The following ACAD10 variants were observed in gnomAD, a reference collection of about 807,000 sequenced individuals.
ACAD10 encodes ACAD-10.
Under a neutral mutation model 116.8 loss-of-function variants are expected in ACAD10, and 112 were observed. That is an observed-to-expected ratio of 0.96 (90% CI 0.82 to 1.12). The LOEUF (loss-of-function observed/expected upper bound fraction) is 1.12. Ranked by LOEUF, ACAD10 falls within the 50% of genes most tolerant of loss-of-function variation. ACAD10 has a pLI of 0.00. For missense variants in ACAD10, 1,259 were observed against 1,350.2 expected (o/e 0.93, Z 1.06); for synonymous variants, 486 against 510.6 (o/e 0.95, Z 0.65).
At position 111,702,264 on chromosome 12, in the gene ACAD10, C is replaced by T. The variant is rs138927383; in HGVS notation, c.290C>T (p.Thr97Ile). ...ATGAGATTTATGAGAGCAGAAATAA[C>T]AGCAGAGGGTTTTTTACGAGAATTT... is the stretch of plus-strand genomic sequence containing the variant. ...PWMRFMRAEI[T>I]AEGFLREFGR... is the part of the protein sequence containing the mutation. The change falls in exon 3 of 21, where the codon ACA becomes ATA. Residue 97 changes from threonine to isoleucine, a missense_variant. By Grantham distance (89) the Thr-to-Ile change is moderately conservative. Coordinates refer to ENST00000313698, the MANE Select transcript of ACAD10 (RefSeq NM_025247.6). The T allele has an allele frequency of 7.6e-5, 122 of 1,613,952 alleles. No individual in the cohort carries two copies. The highest frequency in any genetic ancestry group is 9.9e-5 in the Non-Finnish European group (117 of 1,180,008).
intron 12 of ACAD10, among the ~76,000 whole-genome samples, chr12:111,739,224 T>C (rs1188668439): frequency 1.3e-5 from 2 of 152,174 alleles, no homozygotes; most frequent in Non-Finnish European, 2.9e-5. Context: ...AGACATTATA[T>C]ACCTCCTGAT....
intron 4 of ACAD10, among the ~76,000 whole-genome samples, chr12:111,708,099 ATTT>A (rs747232112): frequency 6.6e-6 from 1 of 152,170 alleles, no homozygotes; most frequent in Non-Finnish European, 1.5e-5. Context: ...AAATAAAATC[ATTT>A]TTATCTGATC....
At chr12:111,731,485 C>T (rs1593042440) in intron 10 of ACAD10, among the ~76,000 whole-genome samples, 1 of 152,216 alleles carries the variant, frequency 6.6e-6, no homozygotes. Flanking sequence ...ACAACAGCTG[C>T]TCCGTGGACC....
intron 2 of ACAD10, among the ~76,000 whole-genome samples, chr12:111,694,766 C>G (rs1181523886): frequency 6.6e-6 from 1 of 152,202 alleles, no homozygotes; most frequent in African/African-American, 2.4e-5. Context: ...CAGCTCACAC[C>G]TGTAATCTCA....
intron 1 of ACAD10, among the ~76,000 whole-genome samples, chr12:111,692,100 C>G (rs1375766019): frequency 6.6e-6 from 1 of 152,146 alleles, no homozygotes; most frequent in African/African-American, 2.4e-5. Context: ...TCCTGAGTAG[C>G]TGGGATTACA....
chr12:111,746,375 C>T, intron 14 of ACAD10, 91 bp downstream of exon 14: 1 of 1,378,580 alleles, frequency 7.3e-7, no homozygotes, highest in Non-Finnish European at 9.6e-7. Flanking sequence ...TTCAGAAGCA[C>T]TGGCATGAAC....
At chr12:111,704,878 G>T (rs1354528926) in intron 3 of ACAD10, among the ~76,000 whole-genome samples, 1 of 151,476 alleles carries the variant, frequency 6.6e-6, no homozygotes, top group Non-Finnish European at 1.5e-5. Context: ...TAGTAGATAA[G>T]GGGTTTCACC....
intron 8 of ACAD10, among the ~76,000 whole-genome samples, chr12:111,723,549 G>T: frequency 7.1e-6 from 1 of 140,660 alleles, no homozygotes; most frequent in Admixed American, 6.9e-5. Flanking sequence ...CGGCCAGGCA[G>T]AGGCGCCCCT....
chr12:111,711,203 T>TGTC (rs536005101), intron 5 of ACAD10, among the ~76,000 whole-genome samples: 29 of 152,224 alleles, frequency 1.9e-4, no homozygotes, highest in Middle Eastern at 3.4e-3. Flanking sequence ...CTAAATTTTT[T>TGTC]GTTGTTGTTG....
intron 11 of ACAD10, among the ~76,000 whole-genome samples, chr12:111,735,217 C>A (rs1320552401): frequency 2.0e-5 from 3 of 149,238 alleles, no homozygotes; most frequent in African/African-American, 7.4e-5. Context: ...GAGCAAGACT[C>A]CATCTCAAAA....
rs190455094 is a variant in ACAD10 at position 111,748,729 on chromosome 12, G to A, written c.2644+254G>A. 1.9e-3 allele frequency: 1,088 copies of A among 573,974 alleles called. 13 individuals carry two copies. Among genetic ancestry groups the A allele is most frequent in the African/African-American group, 0.017 (882 of 53,402 alleles). The allele number at this position is 573,974 out of a possible 1,614,324, so 35.6% of individuals were successfully genotyped here. A position where few individuals can be genotyped will look rare whatever the true frequency, so the allele number is the denominator to read the frequency against. On this transcript the variant is annotated intron_variant, in intron 17 of 20. Transcript: ENST00000313698. ...TAATCAGGAGTCTGTGACACAGGAAGCCATACAGGGCAGACGCAGGAAGTG... is the reference window on the plus strand; with the variant it reads ...TAATCAGGAGTCTGTGACACAGGAAACCATACAGGGCAGACGCAGGAAGTG...
intron 8 of ACAD10, among the ~76,000 whole-genome samples, chr12:111,723,186 TG>T: frequency 1.6e-5 from 1 of 62,184 alleles, no homozygotes; most frequent in East Asian, 5.3e-4. Flanking sequence ...GCTGGCCGGG[TG>T]GGGGGCTGAC....
intron 17 of ACAD10, 187 bp from the exon 18 acceptor site, chr12:111,748,986 G>A (rs1439156278): frequency 3.8e-6 from 6 of 1,597,268 alleles, no homozygotes; most frequent in East Asian, 2.2e-5. Flanking sequence ...TTATAAATCA[G>A]TGATTCATTT....
chr12:111,726,125 T>C (rs1889207237), intron 8 of ACAD10, among the ~76,000 whole-genome samples: 1 of 151,958 alleles, frequency 6.6e-6, no homozygotes, highest in South Asian at 2.1e-4. Flanking sequence ...ATGGTGGCGC[T>C]CACCTGGAGT....
At chr12:111,689,602 C>G (rs1248949768) in intron 1 of ACAD10, among the ~76,000 whole-genome samples, 2 of 151,998 alleles carry the variant, frequency 1.3e-5, no homozygotes, top group African/African-American at 4.8e-5. Flanking sequence ...GTCTCGAACT[C>G]TCGACCTCAG....
intron 8 of ACAD10, among the ~76,000 whole-genome samples, chr12:111,727,174 C>T (rs1889237431): frequency 6.6e-6 from 1 of 152,066 alleles, no homozygotes; most frequent in African/African-American, 2.4e-5. Context: ...TGCAGTAAGC[C>T]AAGATCGCGC....
intron 8 of ACAD10, among the ~76,000 whole-genome samples, chr12:111,722,522 G>A (rs888299986): frequency 1.3e-5 from 2 of 151,862 alleles, no homozygotes; most frequent in African/African-American, 4.9e-5. Flanking sequence ...TCCTAGCAGA[G>A]GACCCTGCGG....
At chr12:111,746,954 C>CGTG (rs759437839) in intron 14 of ACAD10, 95 bp from the exon 15 acceptor site, 383 of 1,477,450 alleles carry the variant, frequency 2.6e-4, no homozygotes, top group Middle Eastern at 4.9e-4. Flanking sequence ...GAGCCATGAT[C>CGTG]GTGCCACGAT....
At chr12:111,711,968 G>T (rs562755242) in intron 5 of ACAD10, among the ~76,000 whole-genome samples, 19 of 152,176 alleles carry the variant, frequency 1.2e-4, no homozygotes, top group Non-Finnish European at 2.5e-4. Context: ...TTATTTGAAG[G>T]TGTTTTTATT....
Sources: gnomAD v4.1 joint callset for allele counts (sites outside exome capture counted in the v4.1 genomes callset) on GRCh38, gnomAD v4.1.1 for gene constraint, MANE v1.5 for transcripts, NCBI Gene and HGNC (gene_info 2026-07-23, HGNC 2026-07-21) for gene names.